RABGAP1L: variants seen among roughly 807,000 people sequenced by gnomAD.
The protein encoded by RABGAP1L is RAB GTPase activating protein 1 like.
RABGAP1L carries 63 observed loss-of-function variants against 137.7 expected under a neutral mutation model. The ratio of observed to expected loss-of-function variants is 0.46; its 90% CI spans 0.37 to 0.56. RABGAP1L has a LOEUF of 0.56. RABGAP1L is among the 20% of genes least tolerant of loss of function. The pLI is 0.00. For missense variants in RABGAP1L, 1,095 were observed against 1,244.0 expected (o/e 0.88, Z 1.80); for synonymous variants, 431 against 433.7 (o/e 0.99, Z 0.08).
intron 18 of RABGAP1L, among the ~76,000 whole-genome samples, chr1:174,754,547 G>A (rs940608720): frequency 2.6e-5 from 4 of 152,040 alleles, no homozygotes; most frequent in African/African-American, 9.7e-5. Flanking sequence ...TGTTGCCTAG[G>A]CTGGAGTATA....
chr1:174,839,028 C>CGTGTGTGT (rs71726767), intron 19 of RABGAP1L, among the ~76,000 whole-genome samples: 32,803 of 129,820 alleles, frequency 0.25, 5,007 homozygotes, highest in East Asian at 0.35. Flanking sequence ...AACTTTTTTA[C>CGTGTGTGT]GTGTGTGTGT....
chr1:174,496,692 CGTGT>C (rs1660761397), intron 13 of RABGAP1L, among the ~76,000 whole-genome samples: 1 of 152,168 alleles, frequency 6.6e-6, no homozygotes, highest in African/African-American at 2.4e-5. Flanking sequence ...AACTAGCACG[CGTGT>C]CCTCTCCACC....
chr1:174,380,404 A>G (rs923090602), intron 12 of RABGAP1L, among the ~76,000 whole-genome samples: 2 of 151,636 alleles, frequency 1.3e-5, no homozygotes, highest in African/African-American at 2.4e-5. Flanking sequence ...TTCGGCTGTG[A>G]ATCCATCTGG....
intron 13 of RABGAP1L, among the ~76,000 whole-genome samples, chr1:174,503,963 CT>C (rs201017645): frequency 1.1e-4 from 13 of 116,188 alleles, no homozygotes; most frequent in East Asian, 4.3e-4. Flanking sequence ...TCAATAGACT[CT>C]TTTTTTTTTC....
intron 19 of RABGAP1L, chr1:174,935,584 A>T (rs1664638332): frequency 6.6e-6 from 1 of 152,202 alleles, no homozygotes; most frequent in Non-Finnish European, 1.5e-5. Flanking sequence ...ATCATTTGTG[A>T]TTTCAACATT....
chr1:174,503,006 A>G (rs1453454377), intron 13 of RABGAP1L, among the ~76,000 whole-genome samples: 1 of 152,176 alleles, frequency 6.6e-6, no homozygotes, highest in East Asian at 1.9e-4. Flanking sequence ...GTGTTCATTC[A>G]TGTGCTTGTG....
intron 19 of RABGAP1L, among the ~76,000 whole-genome samples, chr1:174,934,320 T>A (rs1172549953): frequency 6.6e-6 from 1 of 152,096 alleles, no homozygotes; most frequent in Non-Finnish European, 1.5e-5. Context: ...ACTCCTGACC[T>A]CAGGTGATCC....
intron 19 of RABGAP1L, among the ~76,000 whole-genome samples, chr1:174,933,328 C>T (rs558884183): frequency 6.6e-6 from 1 of 152,208 alleles, no homozygotes; most frequent in East Asian, 1.9e-4. Context: ...CCAGATTGCA[C>T]CCTTCCATGG....
intron 11 of RABGAP1L, among the ~76,000 whole-genome samples, chr1:174,334,745 C>T (rs562407667): frequency 2.5e-4 from 38 of 152,170 alleles, no homozygotes; most frequent in African/African-American, 9.2e-4. Context: ...TTAGTGAAAT[C>T]TTGCCAGCTC....
chr1:174,934,107 G>C (rs1664311681), intron 19 of RABGAP1L, among the ~76,000 whole-genome samples: 1 of 152,044 alleles, frequency 6.6e-6, no homozygotes, highest in African/African-American at 2.4e-5. Flanking sequence ...TTGTTATTTT[G>C]AGATGGAGTC....
intron 5 of RABGAP1L, chr1:174,245,081 T>G (rs1352507541): frequency 2.0e-5 from 3 of 152,296 alleles, no homozygotes; most frequent in Admixed American, 6.5e-5. Context: ...GGAAAATTTC[T>G]TTTTCTTTGA....
chr1:174,516,488 G>A (rs1267197907), intron 13 of RABGAP1L, among the ~76,000 whole-genome samples: 3 of 152,030 alleles, frequency 2.0e-5, no homozygotes, highest in Non-Finnish European at 4.4e-5. Context: ...CAATGTGCTG[G>A]TATTACAGGT....
chr1:174,409,645 T>C (rs1200093767), intron 13 of RABGAP1L, among the ~76,000 whole-genome samples: 2 of 152,010 alleles, frequency 1.3e-5, no homozygotes, highest in African/African-American at 4.8e-5. Context: ...GCTGAATTCT[T>C]TTCCTAGCAA....
chr1:174,702,398 G>T, intron 17 of RABGAP1L, 142 bp downstream of exon 17: 1 of 623,754 alleles, frequency 1.6e-6, no homozygotes, highest in Non-Finnish European at 2.5e-6. Flanking sequence ...TGAATTTTCA[G>T]TAAAAACTAT....
At chr1:174,982,755 A>G in intron 23 of RABGAP1L, 79 bp from the exon 24 acceptor site, 5 of 1,358,054 alleles carry the variant, frequency 3.7e-6, no homozygotes, top group Non-Finnish European at 5.1e-6. Flanking sequence ...AGCATAACAC[A>G]TGAATTGATA....
intron 15 of RABGAP1L, among the ~76,000 whole-genome samples, chr1:174,695,027 A>T (rs999795154): frequency 6.6e-6 from 1 of 151,900 alleles, no homozygotes; most frequent in Non-Finnish European, 1.5e-5. Flanking sequence ...CATATCCTTC[A>T]CCCACTTTTT....
intron 19 of RABGAP1L, among the ~76,000 whole-genome samples, chr1:174,894,214 A>G (rs1656755396): frequency 6.6e-6 from 1 of 152,240 alleles, no homozygotes; most frequent in Admixed American, 6.5e-5. Context: ...AGTGCTCTCC[A>G]ACCTAACAGT....
chr1:174,424,124 G>T (rs1202845633), intron 13 of RABGAP1L, among the ~76,000 whole-genome samples: 1 of 152,032 alleles, frequency 6.6e-6, no homozygotes, highest in Non-Finnish European at 1.5e-5. Flanking sequence ...GAAAATATGT[G>T]TCTATGGTTT....
intron 13 of RABGAP1L, among the ~76,000 whole-genome samples, chr1:174,462,850 C>T (rs149328007): frequency 1.2e-3 from 176 of 152,234 alleles, no homozygotes; most frequent in African/African-American, 4.1e-3. Context: ...AGAACAGGAA[C>T]AGATGCTTCT....
Sources: gnomAD v4.1 joint callset for allele counts (sites outside exome capture counted in the v4.1 genomes callset) on GRCh38, gnomAD v4.1.1 for gene constraint, MANE v1.5 for transcripts, NCBI Gene and HGNC (gene_info 2026-07-23, HGNC 2026-07-21) for gene names.